GAS7: variants seen among roughly 807,000 people sequenced by gnomAD.
GAS7 encodes the protein growth arrest specific 7, also known as growth arrest-specific protein 7.
A neutral mutation model predicts 71.1 loss-of-function variants in GAS7; 28 were observed. The observed-to-expected ratio is 0.39, with a 90% confidence interval of 0.29 to 0.54. GAS7 has a LOEUF of 0.54. GAS7 is among the 20% of genes least tolerant of loss of function. The pLI is 0.62. For synonymous variants in GAS7, 258 were observed against 245.8 expected, an observed-to-expected ratio of 1.05 and a Z score of -0.46; for missense variants, 436 against 627.8, an observed-to-expected ratio of 0.69 and a Z score of 3.27.
At chr17:10,166,126 A>G (rs543525402) in intron 1 of GAS7, among the ~76,000 whole-genome samples, 1 of 151,598 alleles carries the variant, frequency 6.6e-6, no homozygotes, top group Non-Finnish European at 1.5e-5. Context: ...GAGCTTCAAG[A>G]GATCCTCCTG....
chr17:9,949,589 C>T (rs528346972), intron 5 of GAS7, among the ~76,000 whole-genome samples: 52 of 152,210 alleles, frequency 3.4e-4, no homozygotes, highest in African/African-American at 1.2e-3. Flanking sequence ...AAAGAAGGAG[C>T]CTCCTCCTCC....
intron 5 of GAS7, among the ~76,000 whole-genome samples, chr17:9,958,625 G>A (rs1203181678): frequency 1.3e-5 from 2 of 151,236 alleles, no homozygotes; most frequent in Non-Finnish European, 2.9e-5. Flanking sequence ...GAGGTGGAGT[G>A]TGGGGCTCCC....
rs1467879870 is a variant in GAS7, at chr17:10,034,060, G to C, written c.184-14163C>G. On this transcript the variant is annotated intron_variant, in intron 1 of 13. Transcript: ENST00000432992. The surrounding 1 kb of genome is among the most constrained non-coding windows in gnomAD (Gnocchi z 4.4). The stretch of plus-strand genomic sequence containing the variant: ...AGCTGCTGCCGCTGGCACATATAAA[G>C]TAGGCAAATGGTGACAGCCAAGGGC... 5 of 942,866 alleles carry C rather than the reference G, an allele frequency of 5.3e-6. No homozygotes were observed. Among genetic ancestry groups the C allele is most frequent in the Admixed American group, 1.2e-4 (2 of 16,212 alleles). 58.4% of individuals were successfully genotyped at this position (942,866 alleles called of 1,614,324 possible). A position where few individuals can be genotyped will look rare whatever the true frequency, so the allele number is the denominator to read the frequency against.
chr17:9,916,379 T>A lies in GAS7; in HGVS notation c.*849A>T, dbSNP rs538487020. 1 of 233,126 alleles carries A rather than the reference T, an allele frequency of 4.3e-6. No homozygotes were observed. The highest frequency in any genetic ancestry group is 1.8e-4 in the South Asian group (1 of 5,526). 14.4% of individuals were successfully genotyped at this position (233,126 alleles called of 1,614,324 possible). A position where few individuals can be genotyped will look rare whatever the true frequency, so the allele number is the denominator to read the frequency against. Reference sequence around the variant, plus strand: ...TGGTTTGTTTCCATCCCTGAAGCCTTTGGACGAGCTGGATGAGGTCTTGAT... The same window carrying A: ...TGGTTTGTTTCCATCCCTGAAGCCTATGGACGAGCTGGATGAGGTCTTGAT... On this transcript the variant is annotated 3_prime_UTR_variant, in exon 14 of 14. Coordinates refer to ENST00000432992, the MANE Select transcript of GAS7 (RefSeq NM_201433.2).
chr17:10,006,019 C>T (rs998352926), intron 2 of GAS7, among the ~76,000 whole-genome samples: 1 of 152,090 alleles, frequency 6.6e-6, no homozygotes, highest in Non-Finnish European at 1.5e-5. Context: ...GGGATTAGTG[C>T]CTGGACTCCA....
chr17:10,049,973 A>G (rs1238108638), intron 1 of GAS7, among the ~76,000 whole-genome samples: 2 of 152,176 alleles, frequency 1.3e-5, no homozygotes, highest in African/African-American at 2.4e-5. Context: ...AATATACTAT[A>G]TGATCCCAAT....
At chr17:10,124,046 G>A (rs2073925070) in intron 1 of GAS7, among the ~76,000 whole-genome samples, 1 of 152,230 alleles carries the variant, frequency 6.6e-6, no homozygotes, top group South Asian at 2.1e-4. Context: ...CTGGGGCACA[G>A]TCGTGCTCTA....
At chr17:10,076,006 G>A in intron 1 of GAS7, among the ~76,000 whole-genome samples, 1 of 150,738 alleles carries the variant, frequency 6.6e-6, no homozygotes, top group Non-Finnish European at 1.5e-5. Context: ...GGAGGTTAAG[G>A]CATGAGAATC....
chr17:9,982,729 T>TCTGCACTC, intron 2 of GAS7, among the ~76,000 whole-genome samples: 1 of 151,172 alleles, frequency 6.6e-6, no homozygotes, highest in Non-Finnish European at 1.5e-5. Context: ...TGAGCCGAGA[T>TCTGCACTC]TGTGCCACTG....
chr17:10,180,402 C>T (rs1323276174), intron 1 of GAS7, among the ~76,000 whole-genome samples: 1 of 150,868 alleles, frequency 6.6e-6, no homozygotes, highest in Non-Finnish European at 1.5e-5. Context: ...AAGTCTCATA[C>T]AGCCAGCATG....
At chr17:10,111,072 G>A (rs1597798251) in intron 1 of GAS7, among the ~76,000 whole-genome samples, 1 of 152,150 alleles carries the variant, frequency 6.6e-6, no homozygotes, top group East Asian at 1.9e-4. Context: ...CAACTTGTAG[G>A]TCAGTAACTG....
chr17:10,061,546 C>T (rs1327406748), intron 1 of GAS7, among the ~76,000 whole-genome samples: 3 of 152,334 alleles, frequency 2.0e-5, no homozygotes, highest in Admixed American at 6.5e-5. Context: ...CTGACATTTT[C>T]GTGTTTTATT....
At chr17:10,105,187 C>T (rs1375443904) in intron 1 of GAS7, among the ~76,000 whole-genome samples, 1 of 152,048 alleles carries the variant, frequency 6.6e-6, no homozygotes, top group Non-Finnish European at 1.5e-5. Context: ...TATTCCTACC[C>T]GACGCCGTTG....
At position 10,093,209 on chromosome 17, in the gene GAS7, C is replaced by T. The variant is rs180999372; in HGVS notation, c.184-73312G>A. 3.0e-3 allele frequency among the ~76,000 whole-genome samples: 455 copies of T among 152,278 alleles called. 2 individuals carry two copies. The highest frequency in any genetic ancestry group is 0.01 in the African/African-American group (434 of 41,552). ...CCTTGTCAAGCCCCCACTATCTCACCTTTATAAGGAAGCTGTTGCTTCTAT... is the reference window on the plus strand; with the variant it reads ...CCTTGTCAAGCCCCCACTATCTCACTTTTATAAGGAAGCTGTTGCTTCTAT... On this transcript the variant is annotated intron_variant, in intron 1 of 13. Coordinates refer to ENST00000432992, the MANE Select transcript of GAS7 (RefSeq NM_201433.2).
chr17:9,943,013 A>G (rs1259102974), intron 7 of GAS7, 108 bp downstream of exon 7: 4 of 684,494 alleles, frequency 5.8e-6, no homozygotes, highest in African/African-American at 1.8e-5. Context: ...TAACCAGCCC[A>G]ATGCTGAGTG....
chr17:10,030,163 T>C (rs1218912005), intron 1 of GAS7, among the ~76,000 whole-genome samples: 10 of 152,184 alleles, frequency 6.6e-5, no homozygotes, highest in Non-Finnish European at 1.5e-5. Context: ...CCCAAATCCC[T>C]GGTGCTGTGA....
At chr17:9,953,158 G>A (rs1185211091) in intron 5 of GAS7, among the ~76,000 whole-genome samples, 2 of 151,756 alleles carry the variant, frequency 1.3e-5, no homozygotes, top group African/African-American at 2.4e-5. Context: ...GAAATACTAT[G>A]CAGCTGTAAC....
Position 10,164,069 on chromosome 17 carries a change from A to G in GAS7, c.183+34139T>C, listed in dbSNP as rs539664329. ...CCCTTACAGTCACCTGGGGAGCTTC[A>G]CCTGGTCTGACGTCATCAGTCTGGC... On this transcript the variant is annotated intron_variant, in intron 1 of 13. Coordinates refer to ENST00000432992, the MANE Select transcript of GAS7 (RefSeq NM_201433.2). Among the ~76,000 whole-genome samples the G allele has an allele frequency of 1.1e-3, 160 of 152,068 alleles. 1 individual carries two copies. Among genetic ancestry groups the G allele is most frequent in the Non-Finnish European group, 1.9e-3 (126 of 67,978 alleles).
chr17:9,960,144 G>A (rs1456255674), intron 4 of GAS7, among the ~76,000 whole-genome samples: 2 of 151,988 alleles, frequency 1.3e-5, no homozygotes, highest in African/African-American at 2.4e-5. Flanking sequence ...CTAAGGCACC[G>A]CAGGTGGCCA....
Sources: gnomAD v4.1 joint callset for allele counts (sites outside exome capture counted in the v4.1 genomes callset) on GRCh38, gnomAD v4.1.1 for gene constraint, Gnocchi (gnomAD v3.1) non-coding constraint, MANE v1.5 for transcripts, NCBI Gene and HGNC (gene_info 2026-07-23, HGNC 2026-07-21) for gene names.